SPPL3: variants seen among roughly 807,000 people sequenced by gnomAD.
SPPL3 encodes the protein signal peptide peptidase-like 3.
Under a neutral mutation model 42.4 loss-of-function variants are expected in SPPL3, and 5 were observed. The ratio of observed to expected loss-of-function variants is 0.12; its 90% CI spans 0.06 to 0.25. SPPL3 has a LOEUF of 0.25. Among genes scored for constraint, SPPL3 ranks in the 10% least tolerant of loss-of-function variants. The pLI is 1.00. For synonymous variants in SPPL3, 195 were observed against 181.8 expected (o/e 1.07, Z -0.58); for missense variants, 235 against 489.0 (o/e 0.48, Z 4.90).
chr12:120,824,760 A>G (rs1358745963), intron 1 of SPPL3, among the ~76,000 whole-genome samples: 5 of 151,918 alleles, frequency 3.3e-5, no homozygotes, highest in Non-Finnish European at 7.4e-5. Context: ...CTGGTCTTGA[A>G]CTCCTAGACT....
At chr12:120,839,823 A>G (rs1302126701) in intron 1 of SPPL3, among the ~76,000 whole-genome samples, 1 of 152,196 alleles carries the variant, frequency 6.6e-6, no homozygotes, top group African/African-American at 2.4e-5. Context: ...TATAGTCAAG[A>G]GAATTGAAAA....
Position 120,764,844 on chromosome 12 carries a change from G to C in SPPL3, c.*155C>G. The C allele has an allele frequency of 1.3e-6, 1 of 783,836 alleles. No individual in the cohort carries two copies. Among genetic ancestry groups the C allele is most frequent in the Non-Finnish European group, 2.0e-6 (1 of 510,880 alleles). 48.6% of individuals were successfully genotyped at this position (783,836 alleles called of 1,614,324 possible). On this transcript the variant is annotated 3_prime_UTR_variant, in exon 11 of 11. Coordinates refer to ENST00000353487, the MANE Select transcript of SPPL3 (RefSeq NM_139015.5). ...AACAGGGCTCCAGCACCTCTCTCCT[G>C]CAAACGAGCTCCCTTTAAATGCCAA...
intron 1 of SPPL3, among the ~76,000 whole-genome samples, chr12:120,824,166 A>G (rs1871168360): frequency 1.3e-5 from 2 of 152,132 alleles, no homozygotes; most frequent in African/African-American, 2.4e-5. Context: ...CACTGCACCC[A>G]GCCCACAAAG....
At chr12:120,879,987 T>C (rs1240777992) in intron 1 of SPPL3, among the ~76,000 whole-genome samples, 2 of 151,930 alleles carry the variant, frequency 1.3e-5, no homozygotes, top group African/African-American at 2.4e-5. Context: ...TTATCTTTTT[T>C]TTTTTTTCAC....
intron 1 of SPPL3, among the ~76,000 whole-genome samples, chr12:120,834,499 A>C (rs1429293839): frequency 6.6e-6 from 1 of 152,166 alleles, no homozygotes; most frequent in African/African-American, 2.4e-5. Flanking sequence ...ACACCTTCAT[A>C]ATCGGGAGGT....
chr12:120,902,369 A>C, intron 1 of SPPL3, among the ~76,000 whole-genome samples: 1 of 152,170 alleles, frequency 6.6e-6, no homozygotes, highest in South Asian at 2.1e-4. Flanking sequence ...TAACACTATA[A>C]ATAATCCACT....
intron 1 of SPPL3, among the ~76,000 whole-genome samples, chr12:120,862,344 T>C (rs889837592): frequency 2.0e-5 from 3 of 152,164 alleles, no homozygotes; most frequent in African/African-American, 7.2e-5. Context: ...ATTCTGACAC[T>C]ATTACCCAAA....
chr12:120,808,086 C>CTTTTTTTTTTTTTTTTTTTTT (rs63135760), intron 2 of SPPL3, among the ~76,000 whole-genome samples: 3 of 132,806 alleles, frequency 2.3e-5, no homozygotes, highest in Non-Finnish European at 1.6e-5. Flanking sequence ...AGTTTCTTTT[C>CTTTTTTTTTTTTTTTTTTTTT]TTTTTTTTTT....
chr12:120,849,889 C>T (rs1054660599), intron 1 of SPPL3, among the ~76,000 whole-genome samples: 1 of 152,124 alleles, frequency 6.6e-6, no homozygotes, highest in Non-Finnish European at 1.5e-5. Flanking sequence ...TGAAGTATTT[C>T]TACTGGAAAA....
chr12:120,804,031 T>C (rs1870411622), intron 2 of SPPL3, among the ~76,000 whole-genome samples: 2 of 152,182 alleles, frequency 1.3e-5, no homozygotes, highest in African/African-American at 4.8e-5. Context: ...ATAGTTCTTA[T>C]TAAAGAACTC....
At chr12:120,771,040 G>A (rs374029263) in intron 6 of SPPL3, among the ~76,000 whole-genome samples, 38 of 152,242 alleles carry the variant, frequency 2.5e-4, no homozygotes, top group African/African-American at 7.9e-4. Context: ...GGCTTAAGCC[G>A]CCATCCTCTC....
intron 1 of SPPL3, chr12:120,903,482 G>T: frequency 3.5e-6 from 1 of 283,942 alleles, no homozygotes; most frequent in East Asian, 8.7e-5. Context: ...GAGTCCTCCT[G>T]CCCAGGAAAC....
rs150709170 is a variant in SPPL3 at position 120,808,895 on chromosome 12, T to G, written c.101+1914A>C. Among the ~76,000 whole-genome samples the G allele has an allele frequency of 1.1e-4, 16 of 152,344 alleles. No homozygotes were observed. The East Asian group carries it at 3.1e-3, about 29-fold the overall frequency. On this transcript the variant is annotated intron_variant, in intron 2 of 10. Coordinates refer to ENST00000353487, the MANE Select transcript of SPPL3 (RefSeq NM_139015.5). ...ATTGCAAAGTCCTTTGAAATATTAA[T>G]GCATTATATACTCAAAGGGAAAAAA...
chr12:120,779,606 T>G (rs1211307074), intron 6 of SPPL3, among the ~76,000 whole-genome samples: 1 of 152,096 alleles, frequency 6.6e-6, no homozygotes, highest in Admixed American at 6.5e-5. Flanking sequence ...AATTTTACTT[T>G]GTGGGGCAGA....
At chr12:120,899,001 C>T (rs1020327083) in intron 1 of SPPL3, among the ~76,000 whole-genome samples, 3 of 152,132 alleles carry the variant, frequency 2.0e-5, no homozygotes, top group Non-Finnish European at 1.5e-5. Flanking sequence ...GACGAGTTCC[C>T]GTTTCTCACA....
chr12:120,790,341 C>CA (rs1377511478), intron 3 of SPPL3, among the ~76,000 whole-genome samples: 1 of 152,164 alleles, frequency 6.6e-6, no homozygotes, highest in Non-Finnish European at 1.5e-5. Context: ...GAAAACTGGG[C>CA]AAATACAACT....
chr12:120,764,854 T>A lies in SPPL3; in HGVS notation c.*145A>T. The A allele has an allele frequency of 1.2e-6, 1 of 829,978 alleles. No individual in the cohort carries two copies. Among genetic ancestry groups the A allele is most frequent in the Non-Finnish European group, 1.8e-6 (1 of 550,026 alleles). 51.4% of individuals were successfully genotyped at this position (829,978 alleles called of 1,614,324 possible). Reference sequence around the variant, plus strand: ...CAGCACCTCTCTCCTGCAAACGAGCTCCCTTTAAATGCCAAATCCAGTCAC... The same window carrying A: ...CAGCACCTCTCTCCTGCAAACGAGCACCCTTTAAATGCCAAATCCAGTCAC... On this transcript the variant is annotated 3_prime_UTR_variant, in exon 11 of 11. Coordinates refer to ENST00000353487, the MANE Select transcript of SPPL3 (RefSeq NM_139015.5).
At chr12:120,879,189 G>A (rs1006754592) in intron 1 of SPPL3, among the ~76,000 whole-genome samples, 1 of 150,452 alleles carries the variant, frequency 6.6e-6, no homozygotes, top group African/African-American at 2.4e-5. Flanking sequence ...TACCTGTCAT[G>A]TAGACAGGGG....
chr12:120,855,132 C>T (rs1241121271), intron 1 of SPPL3, among the ~76,000 whole-genome samples: 3 of 151,982 alleles, frequency 2.0e-5, no homozygotes, highest in Non-Finnish European at 4.4e-5. Context: ...ATCACTAGAC[C>T]CCACAGAGTG....
Sources: gnomAD v4.1 joint callset for allele counts (sites outside exome capture counted in the v4.1 genomes callset) on GRCh38, gnomAD v4.1.1 for gene constraint, MANE v1.5 for transcripts, NCBI Gene and HGNC (gene_info 2026-07-23, HGNC 2026-07-21) for gene names.